Variants in AHDC1 observed in about 807,000 individuals in gnomAD.
AHDC1 encodes the protein transcription factor Gibbin.
Under a neutral mutation model 87.9 loss-of-function variants are expected in AHDC1, and 7 were observed. The observed-to-expected ratio is 0.08, with a 90% CI of 0.05 to 0.15. AHDC1 has a LOEUF of 0.15. Among genes scored for constraint, AHDC1 ranks in the 10% least tolerant of loss-of-function variants. The pLI is 1.00. For synonymous variants in AHDC1, 1,051 were observed against 1,006.8 expected, an observed-to-expected ratio of 1.04 and a Z score of -0.83; for missense variants, 1,841 against 2,253.2, an observed-to-expected ratio of 0.82 and a Z score of 3.70.
intron 3 of AHDC1, among the ~76,000 whole-genome samples, chr1:27,591,995 A>G (rs2089235258): frequency 1.3e-5 from 2 of 152,196 alleles, no homozygotes; most frequent in African/African-American, 4.8e-5. Context: ...GAGGCGATCC[A>G]GCTTCATCCT....
At chr1:27,567,662 G>C (rs779577229) in intron 3 of AHDC1, among the ~76,000 whole-genome samples, 2 of 152,112 alleles carry the variant, frequency 1.3e-5, no homozygotes, top group Non-Finnish European at 2.9e-5. Flanking sequence ...TGCTCAACTT[G>C]GAACCTCCCA....
chr1:27,568,672 C>T (rs1049394291), intron 3 of AHDC1, among the ~76,000 whole-genome samples: 1 of 151,936 alleles, frequency 6.6e-6, no homozygotes, highest in Non-Finnish European at 1.5e-5. Context: ...GCTTCGGACA[C>T]GCCCTCTTCC....
At chr1:27,582,088 A>G (rs1443236236) in intron 3 of AHDC1, among the ~76,000 whole-genome samples, 3 of 152,234 alleles carry the variant, frequency 2.0e-5, no homozygotes, top group Admixed American at 2.0e-4. Flanking sequence ...TCCAGGAAAC[A>G]GGCCTCTGCC....
chr1:27,547,449 A>T lies in AHDC1; in HGVS notation c.4667T>A (p.Leu1556Gln), dbSNP rs368785856. The change falls in exon 8 of 9, where the codon CTG becomes CAG. Residue 1556 changes from leucine to glutamine, a missense_variant. Leu to Gln is a moderately radical substitution (Grantham distance 113, BLOSUM62 -2). This residue lies in a region of AHDC1 where 505 missense variants were observed against 626.2 expected (regional missense o/e 0.81). Coordinates refer to ENST00000673934, the MANE Select transcript of AHDC1 (RefSeq NM_001371928.1). The surrounding 1 kb of genome is among the most constrained non-coding windows in gnomAD (Gnocchi z 4.9). ...GTAGGCGGTGTCCTGCAGGGGCAGC[A>T]GCGAGTCCCTCGGCACGGGGGACAG... ...LTLSPVPRDS[L>Q]LPLQDTAYRY... 1.3e-6 allele frequency: 2 copies of T among 1,590,656 alleles called. No homozygotes were observed. Among genetic ancestry groups the T allele is most frequent in the African/African-American group, 2.7e-5 (2 of 74,582 alleles).
rs1367883163 is a variant in AHDC1, at chr1:27,560,426, G to A, written c.-628-1543C>T. ...TCTGGATGTGTGTTTGGCAGGGGGT[G>A]GGGGCGTGAGGCTGATCCTCTGCTG... On this transcript the variant is annotated intron_variant, in intron 3 of 8. Coordinates refer to ENST00000673934, the MANE Select transcript of AHDC1 (RefSeq NM_001371928.1). The surrounding 1 kb of genome is among the most constrained non-coding windows in gnomAD (Gnocchi z 4.1). Among the ~76,000 whole-genome samples, 1 of 152,150 alleles carries A rather than the reference G, an allele frequency of 6.6e-6. No individual in the cohort carries two copies. The highest frequency in any genetic ancestry group is 1.5e-5 in the Non-Finnish European group (1 of 68,028).
At chr1:27,542,395 C>A (rs2018967530) in intron 8 of AHDC1, among the ~76,000 whole-genome samples, 1 of 152,202 alleles carries the variant, frequency 6.6e-6, no homozygotes, top group African/African-American at 2.4e-5. Context: ...CTAGGAGGAG[C>A]ACAGGCGAGG....
Position 27,604,095 on chromosome 1 carries a change from GC to G in AHDC1, c.-863+10del. ...CTCCCTCCCTCCGTCTCTCGCCCTC[GC>G]CCTGCCTGCCTGCCTCTCTCCGTCT... On this transcript the variant is annotated intron_variant, in intron 1 of 8. Coordinates refer to ENST00000673934, the MANE Select transcript of AHDC1 (RefSeq NM_001371928.1). The G allele has an allele frequency of 6.4e-6, 1 of 156,230 alleles. No homozygotes were observed. The highest frequency in any genetic ancestry group is 1.4e-5 in the Non-Finnish European group (1 of 70,710). The allele number at this position is 156,230 out of a possible 1,614,324, so 9.7% of individuals were successfully genotyped here.
At chr1:27,542,623 C>T (rs1460596972) in intron 8 of AHDC1, among the ~76,000 whole-genome samples, 2 of 152,184 alleles carry the variant, frequency 1.3e-5, no homozygotes, top group African/African-American at 2.4e-5. Context: ...AGAGAGGTGA[C>T]GTGACTCATC....
At position 27,595,200 on chromosome 1, in the gene AHDC1, AGTGTAT is replaced by A. The variant is rs1383754043; in HGVS notation, c.-629+8191_-629+8196del. ...GTTTGAGTGGGTGTTTGAAGCAGTG[AGTGTAT>A]GTGTGTTGTAGGGGGAGGCTGTATG... On this transcript the variant is annotated intron_variant, in intron 3 of 8. Coordinates refer to ENST00000673934, the MANE Select transcript of AHDC1 (RefSeq NM_001371928.1). The surrounding 1 kb of genome is among the most constrained non-coding windows in gnomAD (Gnocchi z 4.0). 6.6e-6 allele frequency among the ~76,000 whole-genome samples: 1 copy of A among 151,578 alleles called. No individual in the cohort carries two copies. The highest frequency in any genetic ancestry group is 1.9e-4 in the East Asian group (1 of 5,150).
intron 8 of AHDC1, among the ~76,000 whole-genome samples, chr1:27,539,029 G>A (rs190795439): frequency 1.4e-4 from 21 of 152,286 alleles, no homozygotes; most frequent in African/African-American, 2.6e-4. Flanking sequence ...CTGGTATGCA[G>A]AAGTACCGTT....
chr1:27,597,157 G>C (rs2148492587), intron 3 of AHDC1, among the ~76,000 whole-genome samples: 1 of 152,300 alleles, frequency 6.6e-6, no homozygotes, highest in South Asian at 2.1e-4. Flanking sequence ...GTGGGGGGCA[G>C]GTGGCAGGGG....
intron 3 of AHDC1, among the ~76,000 whole-genome samples, chr1:27,578,894 T>C (rs2148430458): frequency 6.6e-6 from 1 of 152,080 alleles, no homozygotes; most frequent in African/African-American, 2.4e-5. Flanking sequence ...GACGGGGTTT[T>C]ACTATGTTGG....
chr1:27,541,022 AAAAAC>A (rs2018888644), intron 8 of AHDC1, among the ~76,000 whole-genome samples: 3 of 150,462 alleles, frequency 2.0e-5, no homozygotes, highest in East Asian at 1.9e-4. Context: ...AAAAAAAAAA[AAAAAC>A]AACAACAAAA....
At chr1:27,599,486 C>T (rs1318693889) in intron 3 of AHDC1, among the ~76,000 whole-genome samples, 2 of 152,244 alleles carry the variant, frequency 1.3e-5, no homozygotes, top group Non-Finnish European at 2.9e-5. Context: ...AGGAGGCCCC[C>T]TGCAGCTGTT....
intron 3 of AHDC1, among the ~76,000 whole-genome samples, chr1:27,575,237 T>C (rs1222337957): frequency 6.6e-6 from 1 of 152,088 alleles, no homozygotes; most frequent in Non-Finnish European, 1.5e-5. Flanking sequence ...CCCTGCCACC[T>C]CCGCCCCCCT....
chr1:27,597,850 T>C (rs1389470056), intron 3 of AHDC1, among the ~76,000 whole-genome samples: 1 of 152,028 alleles, frequency 6.6e-6, no homozygotes, highest in Non-Finnish European at 1.5e-5. Context: ...TCTCTCTCCT[T>C]CTCCATCTCA....
intron 8 of AHDC1, among the ~76,000 whole-genome samples, chr1:27,536,852 G>A (rs1255802182): frequency 2.6e-5 from 4 of 151,762 alleles, no homozygotes; most frequent in African/African-American, 9.7e-5. Flanking sequence ...ACAAATCCCT[G>A]CACCCCCACC....
rs2020102696 is a variant in AHDC1, at chr1:27,561,893, G to A, written c.-628-3010C>T. 6.6e-6 allele frequency among the ~76,000 whole-genome samples: 1 copy of A among 152,118 alleles called. No individual in the cohort carries two copies. Among genetic ancestry groups the A allele is most frequent in the Admixed American group, 6.5e-5 (1 of 15,280 alleles). ...AGGGGCTCATGGAAGAAGGGAGATGGAGAGGAAGGTAGAGAGAGGCGGGTG... is the reference window on the plus strand; with the variant it reads ...AGGGGCTCATGGAAGAAGGGAGATGAAGAGGAAGGTAGAGAGAGGCGGGTG... On this transcript the variant is annotated intron_variant, in intron 3 of 8. Transcript: ENST00000673934. The surrounding 1 kb of genome is among the most constrained non-coding windows in gnomAD (Gnocchi z 4.2).
rs142427482 is a variant in AHDC1, at chr1:27,589,625, T to C, written c.-629+13772A>G. Among the ~76,000 whole-genome samples, 150 of 152,298 alleles carry C rather than the reference T, an allele frequency of 9.8e-4. 1 individual carries two copies. Among genetic ancestry groups the C allele is most frequent in the African/African-American group, 3.4e-3 (141 of 41,554 alleles). On this transcript the variant is annotated intron_variant, in intron 3 of 8. Transcript: ENST00000673934. Reference sequence around the variant, plus strand: ...GTGCTTGTGTTTCTGTATGGGAGACTATGCCATGTGTTGTAGTATGGAGAT... The same window carrying C: ...GTGCTTGTGTTTCTGTATGGGAGACCATGCCATGTGTTGTAGTATGGAGAT...
Sources: gnomAD v4.1 joint callset for allele counts (sites outside exome capture counted in the v4.1 genomes callset) on GRCh38, gnomAD v4.1.1 for gene constraint, gnomAD v4.1.1 regional missense constraint, Gnocchi (gnomAD v3.1) non-coding constraint, MANE v1.5 for transcripts, NCBI Gene and HGNC (gene_info 2026-07-23, HGNC 2026-07-21) for gene names.